Variants in GLRA2 observed in about 807,000 individuals in gnomAD.
The protein encoded by GLRA2 is glycine receptor alpha 2.
GLRA2 carries 11 observed loss-of-function variants against 31.6 expected under a neutral mutation model. The ratio of observed to expected loss-of-function variants is 0.35; its 90% confidence interval spans 0.22 to 0.58. The LOEUF is 0.58. GLRA2 is among the 20% of genes least tolerant of loss of function. The pLI is 0.84. For missense variants in GLRA2, 212 were observed against 351.8 expected (o/e 0.60, Z 3.18); for synonymous variants, 132 against 134.0 (o/e 0.99, Z 0.10).
At chrX:14,516,056 T>C in the GLRA2 span, among the ~76,000 whole-genome samples, 2 of 112,088 alleles carry the variant, frequency 1.8e-5, no homozygotes, top group African/African-American at 6.5e-5. Context: ...GTTCACAAAC[T>C]CTCAGAGGCT....
chrX:14,621,227 CTT>C (rs1172016207), intron 7 of GLRA2, among the ~76,000 whole-genome samples: 3 of 111,381 alleles, frequency 2.7e-5, no homozygotes, highest in African/African-American at 9.8e-5. Flanking sequence ...GGACCTCAAA[CTT>C]TGCTACACAT....
At chrX:14,611,987 G>A (rs1338271667) in intron 7 of GLRA2, among the ~76,000 whole-genome samples, 2 of 111,849 alleles carry the variant, frequency 1.8e-5, no homozygotes, top group Admixed American at 1.9e-4. Context: ...ACACAGAAAA[G>A]TATTTGAGTT....
chrX:14,562,870 G>A (rs764644189), intron 2 of GLRA2, among the ~76,000 whole-genome samples: 1 of 111,763 alleles, frequency 8.9e-6, no homozygotes, highest in Non-Finnish European at 1.9e-5. Flanking sequence ...GCATATGAAT[G>A]TGGGGGGGAC....
chrX:14,532,134 C>G (rs2089264060), intron 1 of GLRA2, 105 bp from the exon 2 acceptor site: 2 of 530,479 alleles, frequency 3.8e-6, no homozygotes, highest in East Asian at 8.3e-5. Context: ...TTCATACTAA[C>G]ATATCAAATA....
At chrX:14,594,253 T>C (rs913155653) in intron 4 of GLRA2, among the ~76,000 whole-genome samples, 1 of 111,352 alleles carries the variant, frequency 9.0e-6, no homozygotes, top group Non-Finnish European at 1.9e-5. Context: ...ACGTGTTCTC[T>C]TCCCCCTTTT....
intron 2 of GLRA2, among the ~76,000 whole-genome samples, chrX:14,537,020 A>G (rs1460284200): frequency 1.8e-5 from 2 of 111,410 alleles, no homozygotes; most frequent in Non-Finnish European, 3.8e-5. Flanking sequence ...CATTAGGGCA[A>G]TTACTCTTGG....
chrX:14,462,847 C>G, the GLRA2 span, among the ~76,000 whole-genome samples: 1 of 111,743 alleles, frequency 8.9e-6, no homozygotes, highest in Non-Finnish European at 1.9e-5. Context: ...CTACTTCTGT[C>G]AACTTGTCAA....
chrX:14,487,387 TAAAAAAAAAAAAA>T, the GLRA2 span, among the ~76,000 whole-genome samples: 3 of 27,946 alleles, frequency 1.1e-4, no homozygotes, highest in Non-Finnish European at 1.3e-4. Flanking sequence ...TGGTTTTCTG[TAAAAAAAAAAAAA>T]AAAAAAAAAA....
intron 6 of GLRA2, 90 bp from the exon 7 acceptor site, chrX:14,608,900 CT>C (rs35800731): frequency 0.25 from 85,721 of 338,961 alleles, 644 homozygotes; most frequent in East Asian, 0.29. Context: ...CTGCAGTAGT[CT>C]TTTTTTTTTT....
At chrX:14,532,186 C>T in intron 1 of GLRA2, 53 bp from the exon 2 acceptor site, 2 of 918,930 alleles carry the variant, frequency 2.2e-6, no homozygotes, top group Non-Finnish European at 2.9e-6. Context: ...TGAGCGTTAG[C>T]TCTCAAGGGA....
At chrX:14,455,570 T>C in the GLRA2 span, among the ~76,000 whole-genome samples, 11 of 111,886 alleles carry the variant, frequency 9.8e-5, no homozygotes, top group African/African-American at 3.6e-4. Flanking sequence ...CCCCAAAATA[T>C]GTTGAAAAAT....
At position 14,566,655 on chromosome X, in the gene GLRA2, G is replaced by A. The variant is rs748077923; in HGVS notation, c.203-7678G>A. Among the ~76,000 whole-genome samples, 3 of 111,608 alleles carry A rather than the reference G, an allele frequency of 2.7e-5. No individual in the cohort carries two copies. In the East Asian group the frequency reaches 8.5e-4, roughly 32 times the overall value. On this transcript the variant is annotated intron_variant, in intron 2 of 8. Transcript: ENST00000218075. ...TCTTCCCACCTGAATGGTAGCCAGAGGTAAAACTTAGAGGCATCTCTCCTG... is the reference window on the plus strand; with the variant it reads ...TCTTCCCACCTGAATGGTAGCCAGAAGTAAAACTTAGAGGCATCTCTCCTG...
chrX:14,522,673 C>T, the GLRA2 span, among the ~76,000 whole-genome samples: 111 of 112,284 alleles, frequency 9.9e-4, 1 homozygote, highest in Non-Finnish European at 1.4e-3. Context: ...GTTGTGTTAG[C>T]AGGCATGAGA....
chrX:14,647,428 G>A (rs2090842930), intron 7 of GLRA2, among the ~76,000 whole-genome samples: 1 of 111,497 alleles, frequency 9.0e-6, no homozygotes, highest in Non-Finnish European at 1.9e-5. Flanking sequence ...AAGGGTCCAA[G>A]CTCTACTACC....
At chrX:14,603,006 G>A (rs1450022472) in intron 4 of GLRA2, among the ~76,000 whole-genome samples, 2 of 110,042 alleles carry the variant, frequency 1.8e-5, no homozygotes, top group African/African-American at 6.6e-5. Context: ...TCTCCACATT[G>A]TTTTCCATAG....
At chrX:14,543,619 A>T (rs1601694452) in intron 2 of GLRA2, among the ~76,000 whole-genome samples, 1 of 111,154 alleles carries the variant, frequency 9.0e-6, no homozygotes, top group Non-Finnish European at 1.9e-5. Context: ...GCTTCTGGGA[A>T]ATGTAGCTAC....
intron 7 of GLRA2, among the ~76,000 whole-genome samples, chrX:14,631,229 A>C (rs1192973211): frequency 9.0e-6 from 1 of 111,346 alleles, no homozygotes; most frequent in East Asian, 2.8e-4. Context: ...CACAGTACTC[A>C]TCTCTAGAAA....
At chrX:14,560,121 T>C (rs1018915908) in intron 2 of GLRA2, among the ~76,000 whole-genome samples, 4 of 112,349 alleles carry the variant, frequency 3.6e-5, no homozygotes, top group African/African-American at 1.3e-4. Context: ...ATTGAGCTAA[T>C]GGCAAGAATC....
the GLRA2 span, among the ~76,000 whole-genome samples, chrX:14,506,603 A>AT: frequency 8.9e-6 from 1 of 111,842 alleles, no homozygotes; most frequent in Non-Finnish European, 1.9e-5. Flanking sequence ...CTTAGTAATC[A>AT]TGCTGTACAC....
Sources: gnomAD v4.1 joint callset for allele counts (sites outside exome capture counted in the v4.1 genomes callset) on GRCh38, gnomAD v4.1.1 for gene constraint, MANE v1.5 for transcripts, NCBI Gene and HGNC (gene_info 2026-07-23, HGNC 2026-07-21) for gene names.